The following GPC6 variants were observed in gnomAD, a reference collection of about 807,000 sequenced individuals.
GPC6 encodes glypican-6.
A neutral mutation model predicts 55.2 loss-of-function variants in GPC6; 14 were observed. The observed-to-expected ratio is 0.25, with a 90% CI of 0.17 to 0.40. GPC6 has a LOEUF of 0.40. Ranked by LOEUF, GPC6 falls within the 10% of genes least tolerant of loss-of-function variation. The pLI is 1.00. For missense variants in GPC6, 641 were observed against 708.5 expected, an observed-to-expected ratio of 0.90 and a Z score of 1.08; for synonymous variants, 278 against 259.6, an observed-to-expected ratio of 1.07 and a Z score of -0.68.
At chr13:94,285,114 T>C (rs1343627650) in intron 4 of GPC6, among the ~76,000 whole-genome samples, 1 of 151,992 alleles carries the variant, frequency 6.6e-6, no homozygotes, top group African/African-American at 2.4e-5. Flanking sequence ...AAAAGAAAAA[T>C]AAATAGGTGC....
chr13:94,302,610 C>T (rs1001340634), intron 5 of GPC6, among the ~76,000 whole-genome samples: 1 of 152,136 alleles, frequency 6.6e-6, no homozygotes, highest in African/African-American at 2.4e-5. Flanking sequence ...GTTTTTTTAT[C>T]ATTTCTAAGC....
intron 1 of GPC6, among the ~76,000 whole-genome samples, chr13:93,461,032 G>C (rs1168398608): frequency 6.6e-6 from 1 of 152,088 alleles, no homozygotes; most frequent in Non-Finnish European, 1.5e-5. Context: ...TAAATACTTA[G>C]TAAAACTTGA....
In GPC6 at chr13:93,447,156, T is replaced by C. The variant is rs1266148390; in HGVS notation, c.161-98107T>C. On this transcript the variant is annotated intron_variant, in intron 1 of 8. Coordinates refer to ENST00000377047, the MANE Select transcript of GPC6 (RefSeq NM_005708.5). ...ACTGAAACTTGATTCTAGCTGTCAT[T>C]GTCATTAACTCATGACTTTATCAAA... Among the ~76,000 whole-genome samples the C allele has an allele frequency of 2.6e-5, 4 of 152,198 alleles. No individual in the cohort carries two copies. In the East Asian group the frequency reaches 7.7e-4, roughly 29 times the overall value.
intron 4 of GPC6, among the ~76,000 whole-genome samples, chr13:94,049,427 GTAA>G (rs1316949052): frequency 6.6e-6 from 1 of 152,032 alleles, no homozygotes; most frequent in Non-Finnish European, 1.5e-5. Context: ...ATACACTGTG[GTAA>G]TAACAAATAA....
intron 6 of GPC6, among the ~76,000 whole-genome samples, chr13:94,320,988 T>A (rs1455357745): frequency 6.6e-6 from 1 of 152,110 alleles, no homozygotes; most frequent in African/African-American, 2.4e-5. Context: ...GTCACAAAGG[T>A]TTAGTGTACA....
intron 1 of GPC6, among the ~76,000 whole-genome samples, chr13:93,239,606 G>A (rs1023744884): frequency 6.7e-6 from 1 of 150,038 alleles, no homozygotes; most frequent in Admixed American, 6.6e-5. Context: ...ATTGATCTTT[G>A]TATTTTTTTT....
At chr13:93,744,528 C>A (rs370898565) in intron 2 of GPC6, among the ~76,000 whole-genome samples, 1 of 97,208 alleles carries the variant, frequency 1.0e-5, no homozygotes, top group Non-Finnish European at 1.9e-5. Flanking sequence ...TTTCCCTAGT[C>A]TTTTTTTTTT....
At chr13:94,398,288 GA>G (rs1880981667) in intron 7 of GPC6, among the ~76,000 whole-genome samples, 177 bp from the exon 8 acceptor site, 1 of 150,518 alleles carries the variant, frequency 6.6e-6, no homozygotes, top group African/African-American at 2.5e-5. Context: ...ATCTTCATCT[GA>G]AAAAATGTAT....
chr13:94,346,719 C>CAAAAAAAAAAA (rs35478457), intron 6 of GPC6, among the ~76,000 whole-genome samples: 1 of 114,118 alleles, frequency 8.8e-6, no homozygotes, highest in African/African-American at 3.3e-5. Flanking sequence ...AGACTCCTCT[C>CAAAAAAAAAAA]AAAAAAAAAA....
chr13:93,439,191 T>C (rs528731201), intron 1 of GPC6, among the ~76,000 whole-genome samples: 1 of 152,284 alleles, frequency 6.6e-6, no homozygotes, highest in East Asian at 1.9e-4. Flanking sequence ...GTAATATTCG[T>C]TTTATTGCAA....
chr13:93,405,860 A>G (rs148453357), intron 1 of GPC6, among the ~76,000 whole-genome samples: 111 of 152,230 alleles, frequency 7.3e-4, no homozygotes, highest in African/African-American at 2.6e-3. Context: ...TGGATCCTCT[A>G]TTGGCTTTGC....
At chr13:94,161,211 A>AAT (rs1299900197) in intron 4 of GPC6, among the ~76,000 whole-genome samples, 2 of 152,120 alleles carry the variant, frequency 1.3e-5, no homozygotes, top group Admixed American at 6.5e-5. Context: ...CTTTTTTTCA[A>AAT]ATCATGATTC....
intron 1 of GPC6, among the ~76,000 whole-genome samples, chr13:93,527,349 T>G (rs979453462): frequency 3.9e-5 from 6 of 152,122 alleles, no homozygotes; most frequent in Admixed American, 2.0e-4. Context: ...TTCCTCCTTA[T>G]GCAGTGTATT....
intron 2 of GPC6, among the ~76,000 whole-genome samples, chr13:93,645,411 A>C (rs1230891383): frequency 6.6e-6 from 1 of 152,156 alleles, no homozygotes; most frequent in Non-Finnish European, 1.5e-5. Flanking sequence ...CAGCTATAAA[A>C]GGGAAGAAAT....
intron 1 of GPC6, among the ~76,000 whole-genome samples, chr13:93,427,282 T>C (rs1190383676): frequency 6.6e-6 from 1 of 151,790 alleles, no homozygotes; most frequent in African/African-American, 2.4e-5. Flanking sequence ...AAAAAGAGCC[T>C]GCATCGCCAA....
intron 4 of GPC6, among the ~76,000 whole-genome samples, chr13:94,242,921 G>A (rs1036267514): frequency 6.0e-5 from 9 of 151,084 alleles, no homozygotes; most frequent in Admixed American, 5.9e-4. Context: ...ACTTTAGAAG[G>A]AATCATAATC....
rs1881280867 is a variant in GPC6, at chr13:94,404,331, A to T, written c.*1114A>T. The T allele has an allele frequency of 6.6e-6, 1 of 152,206 alleles. No individual in the cohort carries two copies. Among genetic ancestry groups the T allele is most frequent in the Admixed American group, 6.5e-5 (1 of 15,288 alleles). The allele number at this position is 152,206 out of a possible 1,614,324, so 9.4% of individuals were successfully genotyped here. A position where few individuals can be genotyped will look rare whatever the true frequency, so the allele number is the denominator to read the frequency against. On this transcript the variant is annotated 3_prime_UTR_variant, in exon 9 of 9. Transcript: ENST00000377047. ...AAAAATATATATATATAGTATTGAC[A>T]TGGAGATTTCTTTCACTTTTTTAGT...
chr13:94,109,584 T>A (rs185488635), intron 4 of GPC6, among the ~76,000 whole-genome samples: 2 of 152,248 alleles, frequency 1.3e-5, no homozygotes, highest in East Asian at 3.9e-4. Context: ...AGTTGTCGAA[T>A]TCAGTAAGCA....
rs1474060488 is a variant in GPC6 at position 94,383,732 on chromosome 13, C to A, written c.1289+1182C>A. On this transcript the variant is annotated intron_variant, in intron 7 of 8. Coordinates refer to ENST00000377047, the MANE Select transcript of GPC6 (RefSeq NM_005708.5). ...GCATCTGTTGCTTTATTAGTCCATT[C>A]TCATGCTGCTATAAAGAACTTCCCT... Among the ~76,000 whole-genome samples the A allele has an allele frequency of 2.6e-5, 4 of 152,284 alleles. No homozygotes were observed. The East Asian group carries it at 7.7e-4, about 29-fold the overall frequency.
Sources: allele counts gnomAD v4.1 joint callset (sites outside exome capture counted in the v4.1 genomes callset), GRCh38; gene constraint gnomAD v4.1.1; transcripts MANE v1.5; gene names NCBI Gene and HGNC (gene_info 2026-07-23, HGNC 2026-07-21).